ATP6V0A1: variants seen among roughly 807,000 people sequenced by gnomAD.
ATP6V0A1 encodes the protein V-type proton ATPase 116 kDa subunit a 1.
A neutral mutation model predicts 105.4 loss-of-function variants in ATP6V0A1; 43 were observed. The observed-to-expected ratio is 0.41, with a 90% CI of 0.32 to 0.53. ATP6V0A1 has a LOEUF of 0.53. ATP6V0A1 is among the 20% of genes least tolerant of loss of function. ATP6V0A1 has a pLI of 0.30. For missense variants in ATP6V0A1, 676 were observed against 1,051.1 expected (o/e 0.64, Z 4.93); for synonymous variants, 362 against 372.8 (o/e 0.97, Z 0.33).
At chr17:42,488,608 C>G (rs921829944) in intron 10 of ATP6V0A1, among the ~76,000 whole-genome samples, 2 of 152,136 alleles carry the variant, frequency 1.3e-5, no homozygotes, top group African/African-American at 4.8e-5. Flanking sequence ...GTAGCTGGGA[C>G]TACAGGTGCC....
intron 8 of ATP6V0A1, 134 bp downstream of exon 8, chr17:42,480,883 AT>A: frequency 1.4e-6 from 1 of 698,056 alleles, no homozygotes; most frequent in East Asian, 3.1e-5. Flanking sequence ...GTTAGGGGCT[AT>A]TTTAATCAAT....
chr17:42,508,675 C>T (rs1160752988), intron 19 of ATP6V0A1, 86 bp downstream of exon 19: 29 of 1,558,308 alleles, frequency 1.9e-5, no homozygotes, highest in Non-Finnish European at 2.3e-5. Flanking sequence ...CCTGCCACAC[C>T]CTGGGGCCAT....
chr17:42,515,914 G>A (rs1006278299), intron 21 of ATP6V0A1, among the ~76,000 whole-genome samples: 8 of 152,194 alleles, frequency 5.3e-5, no homozygotes, highest in African/African-American at 1.7e-4. Context: ...TTCTGTGGCT[G>A]TTCCACCTCA....
chr17:42,515,592 C>A (rs1360276488), intron 21 of ATP6V0A1, among the ~76,000 whole-genome samples: 1 of 152,114 alleles, frequency 6.6e-6, no homozygotes, highest in African/African-American at 2.4e-5. Flanking sequence ...TCGAGACCAG[C>A]CTGACCAACA....
chr17:42,493,417 A>G (rs1222906634), intron 11 of ATP6V0A1, among the ~76,000 whole-genome samples: 1 of 152,216 alleles, frequency 6.6e-6, no homozygotes, highest in Non-Finnish European at 1.5e-5. Context: ...CCCTGGGAGC[A>G]GGGTCCCACG....
At chr17:42,508,714 A>T in intron 19 of ATP6V0A1, 125 bp downstream of exon 19, 1 of 1,322,854 alleles carries the variant, frequency 7.6e-7, no homozygotes, top group Non-Finnish European at 1.1e-6. Flanking sequence ...TCTGCATCTC[A>T]CTGGCCATTT....
chr17:42,512,220 C>T (rs1439893310), intron 19 of ATP6V0A1, among the ~76,000 whole-genome samples: 3 of 152,214 alleles, frequency 2.0e-5, no homozygotes, highest in Non-Finnish European at 4.4e-5. Flanking sequence ...CTGAGAACAC[C>T]TGCAGGAAGC....
At chr17:42,488,009 C>T (rs1237872080) in intron 10 of ATP6V0A1, among the ~76,000 whole-genome samples, 1 of 152,152 alleles carries the variant, frequency 6.6e-6, no homozygotes, top group African/African-American at 2.4e-5. Flanking sequence ...GATGCCCTCT[C>T]TGTATATGAC....
Position 42,480,705 on chromosome 17 carries a change from C to T in ATP6V0A1, c.672C>T (p.Phe224=). 1 of 1,613,734 alleles carries T rather than the reference C, an allele frequency of 6.2e-7. No homozygotes were observed. The highest frequency in any genetic ancestry group is 1.1e-5 in the South Asian group (1 of 90,990). Residue 224 remains phenylalanine (F), a synonymous_variant, in exon 8 of 22, where the codon TTC becomes TTT. Coordinates refer to ENST00000343619, the MANE Select transcript of ATP6V0A1 (RefSeq NM_001130021.3). The part of the protein sequence containing the change: ...YVHKSVFIIF[F]QGDQLKNRVK... ...ACAAGTCTGTGTTTATCATTTTCTTCCAAGGCGATCAGCTGAAAAACAGAG... is the reference window on the plus strand; with the variant it reads ...ACAAGTCTGTGTTTATCATTTTCTTTCAAGGCGATCAGCTGAAAAACAGAG...
chr17:42,477,356 A>G (rs1668371895), intron 5 of ATP6V0A1, among the ~76,000 whole-genome samples: 1 of 152,192 alleles, frequency 6.6e-6, no homozygotes. Context: ...TCCACCAAGT[A>G]ACAGATTTAT....
At chr17:42,508,546 A>G (rs758461278) in intron 18 of ATP6V0A1, 26 bp from the exon 19 acceptor site, 1 of 1,613,914 alleles carries the variant, frequency 6.2e-7, no homozygotes, top group Non-Finnish European at 8.5e-7. Flanking sequence ...GTGGCTCCCC[A>G]CTAAGTGTAA....
At chr17:42,459,163 A>G (rs2086094775) in intron 1 of ATP6V0A1, 200 bp downstream of exon 1, 1 of 152,240 alleles carries the variant, frequency 6.6e-6, no homozygotes, top group African/African-American at 2.4e-5. Flanking sequence ...GAAGCCCCGC[A>G]TCTCTTCCCT....
chr17:42,462,241 G>A (rs1035782750), intron 2 of ATP6V0A1, among the ~76,000 whole-genome samples: 7 of 151,556 alleles, frequency 4.6e-5, no homozygotes, highest in African/African-American at 1.7e-4. Flanking sequence ...AAAGAGGTGG[G>A]GGGAGTATTA....
intron 21 of ATP6V0A1, chr17:42,518,474 A>G (rs1390647619): frequency 6.6e-6 from 1 of 152,240 alleles, no homozygotes; most frequent in Non-Finnish European, 1.5e-5. Context: ...AACGGCACAG[A>G]GAGTGGCAGA....
intron 5 of ATP6V0A1, among the ~76,000 whole-genome samples, chr17:42,475,821 A>G (rs902877178): frequency 6.6e-6 from 1 of 152,184 alleles, no homozygotes; most frequent in Non-Finnish European, 1.5e-5. Context: ...TATTATCGCA[A>G]GTTTCTGTTG....
chr17:42,513,742 A>G, intron 19 of ATP6V0A1, 119 bp from the exon 20 acceptor site: 3 of 930,556 alleles, frequency 3.2e-6, no homozygotes, highest in Non-Finnish European at 5.1e-6. Flanking sequence ...GGTGCCATCC[A>G]TGGGAAGTGC....
At chr17:42,514,688 C>G (rs1228936057) in intron 21 of ATP6V0A1, among the ~76,000 whole-genome samples, 6 of 152,158 alleles carry the variant, frequency 3.9e-5, no homozygotes, top group Admixed American at 3.9e-4. Flanking sequence ...GGAGATGTCC[C>G]TGGTGAGTGG....
chr17:42,520,524 CCT>C (rs1416228675), intron 21 of ATP6V0A1: 7 of 456,726 alleles, frequency 1.5e-5, no homozygotes, highest in African/African-American at 4.0e-5. Context: ...CCTAACTCCC[CCT>C]CTTTCCTTGG....
chr17:42,504,937 G>A (rs1398782681), intron 17 of ATP6V0A1, among the ~76,000 whole-genome samples: 2 of 152,154 alleles, frequency 1.3e-5, no homozygotes. Flanking sequence ...AAAGACACAT[G>A]AGGAATTGTG....
Sources: allele counts gnomAD v4.1 joint callset (sites outside exome capture counted in the v4.1 genomes callset), GRCh38; gene constraint gnomAD v4.1.1; transcripts MANE v1.5; gene names NCBI Gene and HGNC (gene_info 2026-07-23, HGNC 2026-07-21).